PPIL2: variants seen among roughly 807,000 people sequenced by gnomAD.
PPIL2 encodes RING-type E3 ubiquitin-protein ligase PPIL2.
In PPIL2, 50 loss-of-function variants were observed where a neutral mutation model predicts 75.2. That is an observed-to-expected ratio of 0.66 (90% CI 0.53 to 0.84). The LOEUF is 0.84. Among genes scored for constraint, PPIL2 ranks in the 40% least tolerant of loss-of-function variants. The pLI, the probability that PPIL2 is intolerant of heterozygous loss-of-function variation, is 0.00. For synonymous variants in PPIL2, 245 were observed against 258.8 expected, an observed-to-expected ratio of 0.95 and a Z score of 0.51; for missense variants, 590 against 685.0, an observed-to-expected ratio of 0.86 and a Z score of 1.55.
chr22:21,682,357 A>C (rs1460297121), intron 7 of PPIL2, 80 bp from the exon 8 acceptor site: 1 of 1,250,872 alleles, frequency 8.0e-7, no homozygotes, highest in African/African-American at 1.5e-5. Context: ...GGTCGGGGCC[A>C]GCTCCAGGCC....
At position 21,670,842 on chromosome 22, in the gene PPIL2, T is replaced by C. The variant is rs2066604232; in HGVS notation, c.129-155T>C. 3 of 886,962 alleles carry C rather than the reference T, an allele frequency of 3.4e-6. No homozygotes were observed. The South Asian group carries it at 4.2e-5, about 12-fold the overall frequency. 54.9% of individuals were successfully genotyped at this position (886,962 alleles called of 1,614,324 possible). On this transcript the variant is annotated intron_variant, in intron 3 of 19. Coordinates refer to ENST00000398831, the MANE Select transcript of PPIL2 (RefSeq NM_014337.4). ...AGGGGTGGCACAAACACTATTGTAG[T>C]TGGAGGAGAAGGTTGGTGAGAGAGG...
chr22:21,692,598 C>A (rs549542150), intron 15 of PPIL2, among the ~76,000 whole-genome samples: 9 of 151,716 alleles, frequency 5.9e-5, no homozygotes, highest in Non-Finnish European at 1.0e-4. Flanking sequence ...AGATGTTTTA[C>A]TTCTGGTCTA....
intron 2 of PPIL2, 24 bp downstream of exon 2, chr22:21,669,986 C>T (rs1339185404): frequency 6.2e-7 from 1 of 1,604,606 alleles, no homozygotes; most frequent in African/African-American, 1.3e-5. Context: ...TCTTTCTGTT[C>T]CCCGTTGGGG....
At chr22:21,686,762 C>T (rs759593175) in intron 11 of PPIL2, 130 bp from the exon 12 acceptor site, 296 of 1,069,784 alleles carry the variant, frequency 2.8e-4, no homozygotes, top group Non-Finnish European at 3.5e-4. Context: ...AGACCCTCGG[C>T]CTCCAGCTCC....
At chr22:21,670,111 T>C in intron 2 of PPIL2, 149 bp downstream of exon 2, 1 of 936,694 alleles carries the variant, frequency 1.1e-6, no homozygotes, top group Non-Finnish European at 1.6e-6. Context: ...GAAAGAGAAA[T>C]ATACTCAAGA....
rs932221084 is a variant in PPIL2 at position 21,695,379 on chromosome 22, T to G, written c.1467-15T>G. 2.1e-5 allele frequency: 34 copies of G among 1,593,676 alleles called. 1 individual carries two copies. The highest frequency in any genetic ancestry group is 1.3e-4 in the African/African-American group (10 of 74,454). ...AGGGAGGGTGTGGGCTCCCAGCGGC[T>G]TCTTCTCTTCCCAGGAAGCGAGCAG... On this transcript the variant is annotated splice_polypyrimidine_tract_variant and intron_variant, in intron 19 of 19. Transcript: ENST00000398831.
intron 1 of PPIL2, among the ~76,000 whole-genome samples, chr22:21,667,618 C>T (rs575727249): frequency 6.6e-6 from 1 of 152,222 alleles, no homozygotes; most frequent in South Asian, 2.1e-4. Context: ...GACCCTCCTC[C>T]CTTCTCTCAG....
chr22:21,686,802 C>T lies in PPIL2; in HGVS notation c.791-90C>T. On this transcript the variant is annotated intron_variant, in intron 11 of 19. Coordinates refer to ENST00000398831, the MANE Select transcript of PPIL2 (RefSeq NM_014337.4). Reference sequence around the variant, plus strand: ...CTCTCCCCAGAGCTGGAGCCTAGTCCCCGCCTGTGTGTCTGAGGTCGGTGC... The same window carrying T: ...CTCTCCCCAGAGCTGGAGCCTAGTCTCCGCCTGTGTGTCTGAGGTCGGTGC... The T allele has an allele frequency of 1.8e-5, 24 of 1,309,102 alleles. No homozygotes were observed. The South Asian group carries it at 2.8e-4, about 15-fold the overall frequency. The allele number at this position is 1,309,102 out of a possible 1,614,324, so 81.1% of individuals were successfully genotyped here.
intron 19 of PPIL2, 110 bp from the exon 20 acceptor site, chr22:21,695,284 C>T: frequency 2.2e-6 from 3 of 1,352,450 alleles, no homozygotes; most frequent in East Asian, 2.5e-5. Flanking sequence ...GATGTGGGAG[C>T]AGCAGGTGGG....
chr22:21,667,152 A>ATTTTTT (rs747410460), intron 1 of PPIL2, among the ~76,000 whole-genome samples: 4 of 106,568 alleles, frequency 3.8e-5, no homozygotes, highest in Non-Finnish European at 7.3e-5. Context: ...CTCAGTCCTC[A>ATTTTTT]TTTTTTTTTT....
chr22:21,679,281 A>T (rs902257440), intron 6 of PPIL2, among the ~76,000 whole-genome samples: 25 of 151,458 alleles, frequency 1.7e-4, no homozygotes, highest in African/African-American at 5.3e-4. Context: ...GGCTCAAGTG[A>T]TCCTCCCGCG....
At chr22:21,698,497 G>C (rs540858491), downstream of PPIL2, 1 of 152,278 alleles carries the variant, frequency 6.6e-6, no homozygotes, top group Non-Finnish European at 1.5e-5. Flanking sequence ...GGCTGTCCTC[G>C]CACCCGTGGC....
chr22:21,670,880 C>T, intron 3 of PPIL2, 117 bp from the exon 4 acceptor site: 1 of 1,050,400 alleles, frequency 9.5e-7, no homozygotes, highest in Non-Finnish European at 1.5e-6. Context: ...GGTGGCCAGG[C>T]TGCCCAGAGA....
At chr22:21,693,670 C>G in intron 15 of PPIL2, 146 bp from the exon 16 acceptor site, 1 of 824,158 alleles carries the variant, frequency 1.2e-6, no homozygotes, top group Non-Finnish European at 2.0e-6. Flanking sequence ...GTGGGCAGCG[C>G]AGGGAACCAC....
At chr22:21,669,541 C>G (rs762379812) in intron 1 of PPIL2, 59 of 349,330 alleles carry the variant, frequency 1.7e-4, no homozygotes, top group Non-Finnish European at 2.8e-4. Flanking sequence ...CACTCTGTCA[C>G]CCAGGCTGGA....
chr22:21,688,580 T>G, intron 14 of PPIL2, 152 bp from the exon 15 acceptor site: 1 of 719,074 alleles, frequency 1.4e-6, no homozygotes. Flanking sequence ...GACCCAGGAG[T>G]TGGTGGCGTG....
At chr22:21,666,978 A>ACTGCCCCAGAG (rs1246856832) in intron 1 of PPIL2, among the ~76,000 whole-genome samples, 3 of 151,126 alleles carry the variant, frequency 2.0e-5, no homozygotes, top group Non-Finnish European at 4.4e-5. Flanking sequence ...CGACCCCAGA[A>ACTGCCCCAGAG]CTGTTGGGCT....
rs879552001 is a variant in PPIL2, at chr22:21,692,373, C to G, written c.1140-1443C>G. 5.3e-5 allele frequency among the ~76,000 whole-genome samples: 8 copies of G among 151,410 alleles called. No individual in the cohort carries two copies. The South Asian group carries it at 1.3e-3, about 24-fold the overall frequency. On this transcript the variant is annotated intron_variant, in intron 15 of 19. Coordinates refer to ENST00000398831, the MANE Select transcript of PPIL2 (RefSeq NM_014337.4). ...GTTTCACCGTGTTAGCGAGGATGGT[C>G]TCGATCTCCTGACCTTGTGATCCGC... is the stretch of plus-strand genomic sequence containing the variant.
downstream of PPIL2, chr22:21,699,882 C>G (rs1053264729): frequency 1.3e-5 from 2 of 152,666 alleles, no homozygotes; most frequent in African/African-American, 4.8e-5. Context: ...ACCCCTGGTA[C>G]CAGACCCTGT....
Sources: gnomAD v4.1 joint callset for allele counts (sites outside exome capture counted in the v4.1 genomes callset) on GRCh38, gnomAD v4.1.1 for gene constraint, MANE v1.5 for transcripts, NCBI Gene and HGNC (gene_info 2026-07-23, HGNC 2026-07-21) for gene names.